Variants in COL23A1 observed in about 807,000 individuals in gnomAD.
COL23A1 encodes collagen alpha-1(XXIII) chain.
In COL23A1, 97 loss-of-function variants were observed where a neutral mutation model predicts 99.3. The ratio of observed to expected loss-of-function variants is 0.98; its 90% confidence interval spans 0.83 to 1.16. The LOEUF (loss-of-function observed/expected upper bound fraction) is 1.16, where lower values mean the gene tolerates loss of function less well. COL23A1 is among the 50% of genes most tolerant of loss of function. COL23A1 has a pLI of 0.00. For missense variants in COL23A1, 762 were observed against 757.4 expected (o/e 1.01, Z -0.07); for synonymous variants, 320 against 308.2 (o/e 1.04, Z -0.40).
At position 178,384,506 on chromosome 5, in the gene COL23A1, G is replaced by A. The variant is rs904101416; in HGVS notation, c.362-77587C>T. ...TTGGAGGCCACGTGGACGGCGCTGA[G>A]TGCATCCCTCTCCAGCGGCCCACCG... On this transcript the variant is annotated intron_variant, in intron 2 of 28. Coordinates refer to ENST00000390654, the MANE Select transcript of COL23A1 (RefSeq NM_173465.4). The surrounding 1 kb of genome is among the most constrained non-coding windows in gnomAD (Gnocchi z 5.5). Among the ~76,000 whole-genome samples the A allele has an allele frequency of 1.3e-5, 2 of 152,134 alleles. No homozygotes were observed. Among genetic ancestry groups the A allele is most frequent in the African/African-American group, 2.4e-5 (1 of 41,442 alleles).
At chr5:178,399,449 C>T (rs1408094823) in intron 2 of COL23A1, among the ~76,000 whole-genome samples, 1 of 152,242 alleles carries the variant, frequency 6.6e-6, no homozygotes, top group African/African-American at 2.4e-5. Flanking sequence ...AGCACCTTCT[C>T]CTTTTTGTTG....
chr5:178,246,241 A>T lies in COL23A1; in HGVS notation c.1413+13T>A. The T allele has an allele frequency of 6.4e-7, 1 of 1,553,228 alleles. No individual in the cohort carries two copies. Among genetic ancestry groups the T allele is most frequent in the Non-Finnish European group, 8.7e-7 (1 of 1,147,738 alleles). The stretch of plus-strand genomic sequence containing the variant: ...GCCACGGTTGGAGAGGGAGTTCCGA[A>T]TGAGGCGGTTACCTTCTCTCCTTTG... On this transcript the variant is annotated intron_variant, in intron 24 of 28. Transcript: ENST00000390654.
At chr5:178,243,687 G>A (rs886648222) in intron 25 of COL23A1, among the ~76,000 whole-genome samples, 4 of 152,024 alleles carry the variant, frequency 2.6e-5, no homozygotes, top group Admixed American at 2.0e-4. Context: ...TTCTCAGCAC[G>A]GTCCTCATTA....
chr5:178,379,151 G>C (rs753605510), intron 2 of COL23A1, among the ~76,000 whole-genome samples: 1 of 151,926 alleles, frequency 6.6e-6, no homozygotes, highest in African/African-American at 2.4e-5. Context: ...ACCTGCACTA[G>C]AGAAATTTGA....
In COL23A1 at chr5:178,468,952, C is replaced by A. The variant is rs941340320; in HGVS notation, c.361+91730G>T. ...CTGTGGCACCCACCATCCTGGTTTC[C>A]GTCTCTATGAATTTGATGACTGGGT... On this transcript the variant is annotated intron_variant, in intron 2 of 28. Transcript: ENST00000390654. The surrounding 1 kb of genome is among the most constrained non-coding windows in gnomAD (Gnocchi z 4.2). Among the ~76,000 whole-genome samples, 15 of 152,134 alleles carry A rather than the reference C, an allele frequency of 9.9e-5. No individual in the cohort carries two copies.
chr5:178,288,343 G>A lies in COL23A1; in HGVS notation c.422C>T (p.Ser141Leu). ...AATTACCGGGTAGCCATCTCGTCCT[G>A]ATTGCCCCTGTGGTAATTAATATGT... ...RRGDPGPPGQ[S>L]GRDGYPGPLG... is the part of the protein sequence containing the mutation. Residue 141 changes from serine to leucine, a missense_variant, in exon 5 of 29, where the codon TCA (serine) becomes TTA (leucine). Physicochemically the swap from Ser to Leu is moderately radical, Grantham distance 145. Transcript: ENST00000390654. The A allele has an allele frequency of 1.2e-6, 2 of 1,611,792 alleles. No individual in the cohort carries two copies. The highest frequency in any genetic ancestry group is 1.7e-6 in the Non-Finnish European group (2 of 1,177,758).
At chr5:178,527,134 A>C (rs1760353079) in intron 2 of COL23A1, among the ~76,000 whole-genome samples, 1 of 152,158 alleles carries the variant, frequency 6.6e-6, no homozygotes, top group Non-Finnish European at 1.5e-5. Context: ...AGTGGAGCCC[A>C]GATGGGTGTG....
intron 2 of COL23A1, among the ~76,000 whole-genome samples, chr5:178,501,556 C>A (rs796970304): frequency 3.3e-5 from 5 of 149,554 alleles, no homozygotes; most frequent in African/African-American, 1.2e-4. Flanking sequence ...GCCTGGGTGA[C>A]AGAGAAAGGC....
chr5:178,537,504 G>A (rs1400800202), intron 2 of COL23A1, among the ~76,000 whole-genome samples: 1 of 152,234 alleles, frequency 6.6e-6, no homozygotes, highest in Non-Finnish European at 1.5e-5. Flanking sequence ...GACTGACGGA[G>A]GACAAGGGGT....
At position 178,582,976 on chromosome 5, in the gene COL23A1, C is replaced by T. The variant is rs554782724; in HGVS notation, c.294+6928G>A. ...TTCGTCCCTTTCACTCCCTTCTTCC[C>T]AGGCAGGCTGCAAACCTAAGGGAGC... On this transcript the variant is annotated intron_variant, in intron 1 of 28. Coordinates refer to ENST00000390654, the MANE Select transcript of COL23A1 (RefSeq NM_173465.4). 6.9e-4 allele frequency among the ~76,000 whole-genome samples: 105 copies of T among 152,360 alleles called. No homozygotes were observed. In the South Asian group the frequency reaches 7.5e-3, roughly 11 times the overall value.
At chr5:178,375,157 T>A (rs557230161) in intron 2 of COL23A1, among the ~76,000 whole-genome samples, 2 of 152,030 alleles carry the variant, frequency 1.3e-5, no homozygotes, top group South Asian at 4.2e-4. Flanking sequence ...GGAAGTGACA[T>A]GAACCACAGA....
intron 5 of COL23A1, among the ~76,000 whole-genome samples, chr5:178,277,781 CA>C (rs33994681): frequency 0.69 from 104,401 of 152,142 alleles, 36,458 homozygotes; most frequent in African/African-American, 0.73. Context: ...GAACCGATCC[CA>C]AAAATACCTG....
chr5:178,362,054 C>T (rs1762200371), intron 2 of COL23A1, among the ~76,000 whole-genome samples: 1 of 152,100 alleles, frequency 6.6e-6, no homozygotes, highest in South Asian at 2.1e-4. Flanking sequence ...CCTGCAGATA[C>T]GGGGTCATTG....
At chr5:178,291,094 T>C (rs1372293094) in intron 3 of COL23A1, among the ~76,000 whole-genome samples, 1 of 152,122 alleles carries the variant, frequency 6.6e-6, no homozygotes, top group African/African-American at 2.4e-5. Flanking sequence ...GCCACATCGT[T>C]GATTATGGTG....
At chr5:178,512,476 C>T (rs1383257444) in intron 2 of COL23A1, among the ~76,000 whole-genome samples, 4 of 152,168 alleles carry the variant, frequency 2.6e-5, no homozygotes, top group East Asian at 1.9e-4. Context: ...GAGTTAACAT[C>T]GTCCCTGTCC....
chr5:178,530,008 T>C (rs1173295796), intron 2 of COL23A1, among the ~76,000 whole-genome samples: 1 of 152,254 alleles, frequency 6.6e-6, no homozygotes, highest in Non-Finnish European at 1.5e-5. Flanking sequence ...GCCTGTTCCA[T>C]AACAGTTTTT....
chr5:178,400,681 T>C (rs139752925), intron 2 of COL23A1, among the ~76,000 whole-genome samples: 1,789 of 151,744 alleles, frequency 0.012, 38 homozygotes, highest in African/African-American at 0.041. Context: ...AGTCTTGCTC[T>C]ATCGCCCAGG....
At chr5:178,284,704 C>T (rs1208525917) in intron 5 of COL23A1, among the ~76,000 whole-genome samples, 1 of 152,018 alleles carries the variant, frequency 6.6e-6, no homozygotes, top group East Asian at 1.9e-4. Flanking sequence ...TACAATGTAG[C>T]CATTACATTC....
At chr5:178,422,882 G>A (rs1208812924) in intron 2 of COL23A1, among the ~76,000 whole-genome samples, 1 of 152,132 alleles carries the variant, frequency 6.6e-6, no homozygotes, top group Non-Finnish European at 1.5e-5. Flanking sequence ...TAATGATGAT[G>A]TGACTTATAA....
Sources: allele counts gnomAD v4.1 joint callset (sites outside exome capture counted in the v4.1 genomes callset), GRCh38; gene constraint gnomAD v4.1.1; non-coding constraint Gnocchi (gnomAD v3.1); transcripts MANE v1.5; gene names NCBI Gene and HGNC (gene_info 2026-07-23, HGNC 2026-07-21).